CIB1: variants seen among roughly 807,000 people sequenced by gnomAD.
CIB1 encodes the protein calcium and integrin binding 1, also known as calcium and integrin-binding protein 1.
A neutral mutation model predicts 25.0 loss-of-function variants in CIB1; 19 were observed. The observed-to-expected ratio is 0.76, with a 90% CI of 0.53 to 1.12. The LOEUF (loss-of-function observed/expected upper bound fraction) is 1.12. Ranked by LOEUF, CIB1 falls within the 50% of genes most tolerant of loss-of-function variation. CIB1 has a pLI of 0.00. For missense variants in CIB1, 236 were observed against 242.6 expected (o/e 0.97, Z 0.18); for synonymous variants, 104 against 98.5 (o/e 1.06, Z -0.33).
chr15:90,253,672 TG>T, the CIB1 span, among the ~76,000 whole-genome samples: 11 of 152,270 alleles, frequency 7.2e-5, no homozygotes, highest in Admixed American at 7.2e-4. Flanking sequence ...GGGAGAATAC[TG>T]GGAGGCAGCT....
chr15:90,251,114 C>CTTTTTTTTTTTTT, the CIB1 span, among the ~76,000 whole-genome samples: 341 of 104,602 alleles, frequency 3.3e-3, 16 homozygotes, highest in African/African-American at 5.6e-3. Flanking sequence ...CCTGGTCTGT[C>CTTTTTTTTTTTTT]TTTTTTTTTT....
chr15:90,239,632 C>T, the CIB1 span, among the ~76,000 whole-genome samples: 3 of 152,318 alleles, frequency 2.0e-5, no homozygotes, highest in African/African-American at 7.2e-5. Context: ...TTCCACCGGG[C>T]CCCTCCCACA....
the CIB1 span, chr15:90,265,176 A>T: frequency 7.7e-7 from 1 of 1,290,564 alleles, no homozygotes; most frequent in Admixed American, 3.0e-5. Flanking sequence ...TAGAAGATGA[A>T]GAGGCGCCAA....
chr15:90,241,971 G>A, the CIB1 span: 15 of 1,614,216 alleles, frequency 9.3e-6, no homozygotes, highest in Non-Finnish European at 1.2e-5. Context: ...AGAGGCAGCT[G>A]CTGTGGCCCT....
intron 2 of CIB1, 79 bp from the exon 3 acceptor site, chr15:90,232,406 TCA>T: frequency 6.7e-7 from 1 of 1,491,474 alleles, no homozygotes; most frequent in Non-Finnish European, 8.9e-7. Context: ...TGCCTGCTGC[TCA>T]TTGTCAACCA....
At chr15:90,254,988 C>A in the CIB1 span, among the ~76,000 whole-genome samples, 8 of 152,240 alleles carry the variant, frequency 5.3e-5, 1 homozygote, top group Non-Finnish European at 1.2e-4. Context: ...CAGCAGATAT[C>A]CCTTGGTTAG....
chr15:90,234,885 T>C (rs1267642505), upstream of CIB1, among the ~76,000 whole-genome samples: 2 of 152,210 alleles, frequency 1.3e-5, no homozygotes, highest in Admixed American at 1.3e-4. Context: ...ACGTATACTA[T>C]TGCAAAAGGT....
chr15:90,241,828 C>A, the CIB1 span: 1 of 1,614,070 alleles, frequency 6.2e-7, no homozygotes, highest in Non-Finnish European at 8.5e-7. Flanking sequence ...TCAGCCCTCA[C>A]AGGGGTCCGA....
rs1164056953 is a variant in CIB1 at position 90,230,810 on chromosome 15, C to T, written c.554+124G>A. 5 of 915,386 alleles carry T rather than the reference C, an allele frequency of 5.5e-6. No individual in the cohort carries two copies. In the African/African-American group the frequency reaches 6.5e-5, roughly 12 times the overall value. 56.7% of individuals were successfully genotyped at this position (915,386 alleles called of 1,614,324 possible). A position where few individuals can be genotyped will look rare whatever the true frequency, so the allele number is the denominator to read the frequency against. The stretch of plus-strand genomic sequence containing the variant: ...GGGGCGAGACTGCCAGCTTAGCCGG[C>T]CCTGTGTGTGGGGACTGGGGCTTTC... On this transcript the variant is annotated intron_variant, in intron 6 of 6. Transcript: ENST00000328649.
At chr15:90,240,779 A>C in the CIB1 span, 1 of 654,396 alleles carries the variant, frequency 1.5e-6, no homozygotes, top group African/African-American at 1.8e-5. Flanking sequence ...CTGCCACTGC[A>C]CTCCAGCCTG....
chr15:90,264,566 A>T, the CIB1 span, among the ~76,000 whole-genome samples: 1 of 152,206 alleles, frequency 6.6e-6, no homozygotes, highest in African/African-American at 2.4e-5. Flanking sequence ...ACAAAAAGAC[A>T]TACCATACCA....
At chr15:90,256,545 TTTTCTTTCTTTC>T in the CIB1 span, among the ~76,000 whole-genome samples, 2,850 of 105,258 alleles carry the variant, frequency 0.027, 58 homozygotes, top group African/African-American at 0.029. Context: ...TCTCCTTCCT[TTTTCTTTCTTTC>T]TTTCTTTCTT....
chr15:90,253,885 T>C, the CIB1 span, among the ~76,000 whole-genome samples: 1 of 152,110 alleles, frequency 6.6e-6, no homozygotes, highest in Non-Finnish European at 1.5e-5. Context: ...AGCAATAAAA[T>C]AATTTAAAAG....
chr15:90,253,498 C>A, the CIB1 span: 1 of 523,346 alleles, frequency 1.9e-6, no homozygotes, highest in Non-Finnish European at 3.4e-6. Flanking sequence ...AAGACCACCC[C>A]CAGGGTCTTC....
chr15:90,264,665 T>C, the CIB1 span: 1 of 1,513,406 alleles, frequency 6.6e-7, no homozygotes, highest in Non-Finnish European at 8.8e-7. Flanking sequence ...GGGAAAGAGG[T>C]GAACAAATCT....
chr15:90,231,037 G>A lies in CIB1; in HGVS notation c.466-15C>T. Reference sequence around the variant, plus strand: ...TCCTCCAGGATCTGGGAAAGGGAGAGTTTCAGGCCAGAGCCCCAACTGCTC... The same window carrying A: ...TCCTCCAGGATCTGGGAAAGGGAGAATTTCAGGCCAGAGCCCCAACTGCTC... On this transcript the variant is annotated splice_polypyrimidine_tract_variant and intron_variant, in intron 5 of 6. Coordinates refer to ENST00000328649, the MANE Select transcript of CIB1 (RefSeq NM_006384.4). 6.2e-7 allele frequency: 1 copy of A among 1,613,324 alleles called. No homozygotes were observed. The highest frequency in any genetic ancestry group is 8.5e-7 in the Non-Finnish European group (1 of 1,179,244).
chr15:90,263,838 T>G, the CIB1 span: 4 of 765,530 alleles, frequency 5.2e-6, no homozygotes, highest in South Asian at 1.5e-5. Context: ...AGCAGGGCGC[T>G]CCTCATTTCC....
chr15:90,264,743 G>A, the CIB1 span: 2 of 1,536,094 alleles, frequency 1.3e-6, no homozygotes, highest in Non-Finnish European at 1.7e-6. Flanking sequence ...CAGAAGGCTA[G>A]AAGCCATAAA....
chr15:90,249,947 T>TTTTTTTATTTA, the CIB1 span: 1 of 147,574 alleles, frequency 6.8e-6, no homozygotes, highest in East Asian at 2.0e-4. Flanking sequence ...CTGTATTTTA[T>TTTTTTTATTTA]TTTATTTATT....
Sources: allele counts gnomAD v4.1 joint callset (sites outside exome capture counted in the v4.1 genomes callset), GRCh38; gene constraint gnomAD v4.1.1; transcripts MANE v1.5; gene names NCBI Gene and HGNC (gene_info 2026-07-23, HGNC 2026-07-21).